The following NBEA variants were observed in gnomAD, a reference collection of about 807,000 sequenced individuals.
NBEA encodes the protein neurobeachin.
NBEA carries 44 observed loss-of-function variants against 343.4 expected under a neutral mutation model. That is an observed-to-expected ratio of 0.13 (90% CI 0.10 to 0.16). The LOEUF (loss-of-function observed/expected upper bound fraction) is 0.16, where lower values mean the gene tolerates loss of function less well. NBEA is among the 10% of genes least tolerant of loss of function. NBEA has a pLI of 1.00. For missense variants in NBEA, 2,555 were observed against 3,631.3 expected (o/e 0.70, Z 7.62); for synonymous variants, 1,175 against 1,238.7 (o/e 0.95, Z 1.08).
chr13:35,403,193 A>C (rs926401257), intron 38 of NBEA, among the ~76,000 whole-genome samples: 1 of 150,660 alleles, frequency 6.6e-6, no homozygotes, highest in Non-Finnish European at 1.5e-5. Context: ...AATTAATTAA[A>C]ATAAATTACT....
At chr13:35,351,842 A>C (rs1300953735) in intron 37 of NBEA, among the ~76,000 whole-genome samples, 2 of 152,030 alleles carry the variant, frequency 1.3e-5, no homozygotes, top group Admixed American at 6.6e-5. Context: ...TGGCTTGATA[A>C]ACAAGTAGGT....
At chr13:35,169,795 T>G (rs1057360679) in intron 25 of NBEA, among the ~76,000 whole-genome samples, 3 of 151,800 alleles carry the variant, frequency 2.0e-5, no homozygotes, top group Admixed American at 6.6e-5. Flanking sequence ...TGAGCTATGA[T>G]GTCATGGTCA....
chr13:35,138,073 G>A lies in NBEA; in HGVS notation c.2337-4196G>A, dbSNP rs553897767. Among the ~76,000 whole-genome samples the A allele has an allele frequency of 2.6e-5, 4 of 152,168 alleles. No homozygotes were observed. The South Asian group carries it at 8.3e-4, about 32-fold the overall frequency. On this transcript the variant is annotated intron_variant, in intron 17 of 58. Transcript: ENST00000379939. ...ACACAGAAGGAAAAAATGGGTCACA[G>A]GACAGTATCAGGAAGTTCTTGGAAG...
At chr13:35,452,483 G>T (rs138026797) in intron 40 of NBEA, among the ~76,000 whole-genome samples, 1 of 151,978 alleles carries the variant, frequency 6.6e-6, no homozygotes, top group Non-Finnish European at 1.5e-5. Context: ...TTATATAGAA[G>T]GAATAATACA....
intron 38 of NBEA, among the ~76,000 whole-genome samples, chr13:35,413,406 T>C (rs2043707525): frequency 2.0e-5 from 3 of 152,152 alleles, no homozygotes. Flanking sequence ...CTCTTTCCTC[T>C]GTTCCATTGG....
At chr13:35,189,841 T>C (rs2072040860) in intron 30 of NBEA, among the ~76,000 whole-genome samples, 1 of 152,030 alleles carries the variant, frequency 6.6e-6, no homozygotes, top group Non-Finnish European at 1.5e-5. Flanking sequence ...TGGAAAGCAA[T>C]CAGAGGTTTA....
intron 31 of NBEA, among the ~76,000 whole-genome samples, chr13:35,202,844 C>G (rs1434928732): frequency 6.6e-6 from 1 of 152,118 alleles, no homozygotes; most frequent in Non-Finnish European, 1.5e-5. Context: ...ATATTCTTCC[C>G]TATCTTAGTT....
intron 36 of NBEA, among the ~76,000 whole-genome samples, chr13:35,310,222 T>C (rs921537834): frequency 4.5e-4 from 69 of 152,188 alleles, no homozygotes; most frequent in Non-Finnish European, 7.5e-4. Context: ...AAATAAAGTA[T>C]CTAAAACTCA....
At chr13:35,098,911 A>G (rs1430515016) in intron 11 of NBEA, among the ~76,000 whole-genome samples, 1 of 151,950 alleles carries the variant, frequency 6.6e-6, no homozygotes, top group African/African-American at 2.4e-5. Flanking sequence ...TTTAGTAGCT[A>G]TCTCAGTTCT....
intron 41 of NBEA, among the ~76,000 whole-genome samples, chr13:35,482,468 A>T (rs541482830): frequency 2.0e-4 from 30 of 151,568 alleles, no homozygotes; most frequent in African/African-American, 7.2e-4. Context: ...ACACTTTTTC[A>T]TATAATGATT....
chr13:35,178,407 G>C (rs531126172), intron 28 of NBEA, among the ~76,000 whole-genome samples: 2 of 151,706 alleles, frequency 1.3e-5, no homozygotes, highest in East Asian at 1.9e-4. Flanking sequence ...TCTTGGCGTA[G>C]TCATTCAGCA....
At chr13:35,341,540 C>A (rs763985769) in intron 36 of NBEA, among the ~76,000 whole-genome samples, 6 of 151,854 alleles carry the variant, frequency 4.0e-5, no homozygotes, top group Non-Finnish European at 8.8e-5. Flanking sequence ...CCTTACAACT[C>A]AATAATAATA....
intron 58 of NBEA, among the ~76,000 whole-genome samples, chr13:35,670,235 G>GA (rs2085546513): frequency 6.6e-6 from 1 of 152,154 alleles, no homozygotes; most frequent in Admixed American, 6.5e-5. Flanking sequence ...GAATATCCCT[G>GA]AAAAAGAAGC....
chr13:35,348,853 G>A (rs2040023076), intron 36 of NBEA, among the ~76,000 whole-genome samples: 2 of 151,932 alleles, frequency 1.3e-5, no homozygotes, highest in South Asian at 4.2e-4. Flanking sequence ...TATTTTTGAG[G>A]AACCTATCTT....
At chr13:35,307,822 G>A (rs2036999245) in intron 35 of NBEA, among the ~76,000 whole-genome samples, 1 of 152,032 alleles carries the variant, frequency 6.6e-6, no homozygotes, top group African/African-American at 2.4e-5. Context: ...TATAGAATGA[G>A]AATAACAAAG....
chr13:35,330,605 C>T (rs1214449612), intron 36 of NBEA, among the ~76,000 whole-genome samples: 1 of 151,988 alleles, frequency 6.6e-6, no homozygotes, highest in Non-Finnish European at 1.5e-5. Flanking sequence ...ATTTTGGTTT[C>T]TCTTTATTCT....
chr13:35,401,812 C>T (rs1476111841), intron 38 of NBEA, among the ~76,000 whole-genome samples: 1 of 151,910 alleles, frequency 6.6e-6, no homozygotes, highest in African/African-American at 2.4e-5. Context: ...AAGGTTAAAT[C>T]AATGGATTAT....
At chr13:35,377,208 T>C (rs897534054) in intron 38 of NBEA, among the ~76,000 whole-genome samples, 1 of 152,122 alleles carries the variant, frequency 6.6e-6, no homozygotes, top group African/African-American at 2.4e-5. Flanking sequence ...GTGTGATTGA[T>C]GTTCATCAAA....
chr13:35,408,807 C>G (rs950437545), intron 38 of NBEA, among the ~76,000 whole-genome samples: 1 of 152,170 alleles, frequency 6.6e-6, no homozygotes, highest in Admixed American at 6.5e-5. Flanking sequence ...GACACCATCT[C>G]ACACCCGTCA....
Sources: gnomAD v4.1 joint callset for allele counts (sites outside exome capture counted in the v4.1 genomes callset) on GRCh38, gnomAD v4.1.1 for gene constraint, MANE v1.5 for transcripts, NCBI Gene and HGNC (gene_info 2026-07-23, HGNC 2026-07-21) for gene names.